The following CRIM1 variants were observed in gnomAD, a reference collection of about 807,000 sequenced individuals.
CRIM1 encodes the protein cysteine-rich motor neuron 1 protein.
Under a neutral mutation model 116.4 loss-of-function variants are expected in CRIM1, and 32 were observed. The ratio of observed to expected loss-of-function variants is 0.27; its 90% CI spans 0.21 to 0.37. CRIM1 has a LOEUF of 0.37. Ranked by LOEUF, CRIM1 falls within the 10% of genes least tolerant of loss-of-function variation. The pLI is 1.00. For missense variants in CRIM1, 1,331 were observed against 1,354.8 expected, an observed-to-expected ratio of 0.98 and a Z score of 0.28; for synonymous variants, 590 against 509.2, an observed-to-expected ratio of 1.16 and a Z score of -2.13.
At chr2:36,361,490 A>G (rs540936436) in intron 1 of CRIM1, among the ~76,000 whole-genome samples, 51 of 152,206 alleles carry the variant, frequency 3.4e-4, no homozygotes, top group African/African-American at 1.2e-3. Context: ...GGCATTATGA[A>G]GTTGGGGGAT....
At chr2:36,504,234 T>G (rs955601) in intron 8 of CRIM1, among the ~76,000 whole-genome samples, 38,787 of 152,028 alleles carry the variant, frequency 0.26, 5,179 homozygotes, top group South Asian at 0.44. Flanking sequence ...CTTCGTTGAT[T>G]TGTTGTTCTT....
intron 1 of CRIM1, among the ~76,000 whole-genome samples, chr2:36,377,314 G>C (rs924708761): frequency 6.6e-6 from 1 of 152,230 alleles, no homozygotes; most frequent in Non-Finnish European, 1.5e-5. Context: ...ACTTGCCAAG[G>C]AGTGTTAGGG....
At chr2:36,537,103 A>AG (rs1666603514) in intron 13 of CRIM1, among the ~76,000 whole-genome samples, 1 of 152,202 alleles carries the variant, frequency 6.6e-6, no homozygotes, top group African/African-American at 2.4e-5. Flanking sequence ...AAGGACACTT[A>AG]TCTAACAGGT....
intron 1 of CRIM1, among the ~76,000 whole-genome samples, chr2:36,357,130 T>G (rs1028223833): frequency 1.3e-5 from 2 of 152,312 alleles, no homozygotes; most frequent in African/African-American, 4.8e-5. Context: ...TGACTCTTAT[T>G]ATTTTTTCCT....
At chr2:36,409,955 C>T (rs768393180) in intron 2 of CRIM1, among the ~76,000 whole-genome samples, 4 of 152,254 alleles carry the variant, frequency 2.6e-5, no homozygotes, top group East Asian at 1.9e-4. Context: ...ATGGTGCATA[C>T]GCTCTAAGAT....
chr2:36,409,490 A>T (rs912251813), intron 2 of CRIM1, among the ~76,000 whole-genome samples: 1 of 152,138 alleles, frequency 6.6e-6, no homozygotes, highest in Non-Finnish European at 1.5e-5. Context: ...TCACTTGGGG[A>T]GGATTGTCCT....
At chr2:36,383,252 C>G (rs1339150184) in intron 1 of CRIM1, among the ~76,000 whole-genome samples, 1 of 152,094 alleles carries the variant, frequency 6.6e-6, no homozygotes, top group Non-Finnish European at 1.5e-5. Flanking sequence ...TATGTTTATG[C>G]CTACATGTGT....
At chr2:36,384,362 C>T (rs1180928485) in intron 1 of CRIM1, among the ~76,000 whole-genome samples, 1 of 152,190 alleles carries the variant, frequency 6.6e-6, no homozygotes, top group African/African-American at 2.4e-5. Context: ...AGACTTGACC[C>T]TGTGGTCAGG....
intron 4 of CRIM1, among the ~76,000 whole-genome samples, chr2:36,449,220 A>T (rs1209074270): frequency 2.0e-5 from 3 of 152,164 alleles, no homozygotes; most frequent in Admixed American, 2.0e-4. Context: ...TCAACACAGG[A>T]GGCAGGCTGT....
intron 1 of CRIM1, among the ~76,000 whole-genome samples, chr2:36,386,749 G>A (rs949140467): frequency 2.6e-5 from 4 of 152,236 alleles, no homozygotes; most frequent in African/African-American, 9.6e-5. Flanking sequence ...GCTGCTGTAA[G>A]TGAAGTAATT....
At chr2:36,434,416 G>T (rs552704711) in intron 2 of CRIM1, among the ~76,000 whole-genome samples, 1 of 152,236 alleles carries the variant, frequency 6.6e-6, no homozygotes, top group Admixed American at 6.5e-5. Flanking sequence ...GAAAGTTGAA[G>T]CTCTTCTTGC....
chr2:36,490,064 CA>C (rs932706995), intron 7 of CRIM1, among the ~76,000 whole-genome samples: 1 of 152,072 alleles, frequency 6.6e-6, no homozygotes, highest in Non-Finnish European at 1.5e-5. Context: ...TCAGTGGAGA[CA>C]AAAAATGATG....
chr2:36,540,225 T>TAC (rs1666856171), intron 14 of CRIM1, among the ~76,000 whole-genome samples: 1 of 152,150 alleles, frequency 6.6e-6, no homozygotes, highest in Admixed American at 6.5e-5. Flanking sequence ...AGCACTGCTG[T>TAC]AATGAACTTC....
At chr2:36,384,520 A>G (rs1265473867) in intron 1 of CRIM1, among the ~76,000 whole-genome samples, 1 of 152,226 alleles carries the variant, frequency 6.6e-6, no homozygotes, top group Non-Finnish European at 1.5e-5. Context: ...AAAAACGTGT[A>G]AATATGTTTT....
intron 3 of CRIM1, 115 bp downstream of exon 3, chr2:36,441,615 TC>T (rs770854909): frequency 3.5e-5 from 45 of 1,301,114 alleles, no homozygotes; most frequent in Non-Finnish European, 4.6e-5. Flanking sequence ...CTCACCGGTG[TC>T]CTGTGAATCT....
At chr2:36,469,457 T>A (rs1349712997) in intron 5 of CRIM1, among the ~76,000 whole-genome samples, 1 of 152,262 alleles carries the variant, frequency 6.6e-6, no homozygotes, top group African/African-American at 2.4e-5. Flanking sequence ...AGTAATTAGT[T>A]CCTGTTTTAT....
intron 4 of CRIM1, among the ~76,000 whole-genome samples, chr2:36,452,712 C>A (rs1338162016): frequency 6.6e-6 from 1 of 151,964 alleles, no homozygotes; most frequent in Non-Finnish European, 1.5e-5. Context: ...TTAAATTTGA[C>A]CTAGTGTCTA....
At chr2:36,367,059 T>C (rs1455634209) in intron 1 of CRIM1, among the ~76,000 whole-genome samples, 2 of 152,190 alleles carry the variant, frequency 1.3e-5, no homozygotes, top group Admixed American at 1.3e-4. Flanking sequence ...TTGCTTTTTT[T>C]GAAAAGTATG....
chr2:36,546,836 A>G (rs934931449), intron 15 of CRIM1, 148 bp from the exon 16 acceptor site: 8 of 491,728 alleles, frequency 1.6e-5, no homozygotes, highest in East Asian at 8.1e-5. Flanking sequence ...AGCTCTTTGG[A>G]TCAACATTAG....
Sources: gnomAD v4.1 joint callset for allele counts (sites outside exome capture counted in the v4.1 genomes callset) on GRCh38, gnomAD v4.1.1 for gene constraint, MANE v1.5 for transcripts, NCBI Gene and HGNC (gene_info 2026-07-23, HGNC 2026-07-21) for gene names.